Variants in DGLUCY observed in about 807,000 individuals in gnomAD.
DGLUCY encodes the protein D-glutamate cyclase.
Under a neutral mutation model 58.5 loss-of-function variants are expected in DGLUCY, and 58 were observed. That is an observed-to-expected ratio of 0.99 (90% CI 0.80 to 1.23). DGLUCY has a LOEUF of 1.23. DGLUCY is among the 50% of genes most tolerant of loss of function. The pLI is 0.00. For synonymous variants in DGLUCY, 325 were observed against 314.1 expected (o/e 1.03, Z -0.37); for missense variants, 779 against 784.7 (o/e 0.99, Z 0.09).
intron 1 of DGLUCY, among the ~76,000 whole-genome samples, chr14:91,121,109 C>T (rs919664417): frequency 4.6e-5 from 7 of 152,222 alleles, no homozygotes; most frequent in Admixed American, 2.0e-4. Context: ...TTCAGCCTTT[C>T]TCCTAGTGCT....
chr14:91,111,202 A>ATGTGTG (rs71120113), upstream of DGLUCY, among the ~76,000 whole-genome samples: 27 of 46,344 alleles, frequency 5.8e-4, 1 homozygote, highest in African/African-American at 1.3e-3. Flanking sequence ...ATTTATATAT[A>ATGTGTG]TGTGTGTGTG....
intron 1 of DGLUCY, among the ~76,000 whole-genome samples, chr14:91,091,866 G>T (rs79310291): frequency 2.0e-5 from 3 of 152,008 alleles, no homozygotes; most frequent in Non-Finnish European, 4.4e-5. Flanking sequence ...TTTGGGACAC[G>T]GCCTTCCTTC....
rs1281812130 is a variant in DGLUCY at position 91,176,032 on chromosome 14, A to T, written c.706A>T (p.Ser236Cys). 1 of 1,614,002 alleles carries T rather than the reference A, an allele frequency of 6.2e-7. No homozygotes were observed. Among genetic ancestry groups the T allele is most frequent in the East Asian group, 2.2e-5 (1 of 44,870 alleles). The change falls in exon 7 of 14, where the codon AGT becomes TGT. Residue 236 changes from serine (S) to cysteine (C), a missense_variant. Coordinates refer to ENST00000256324, the MANE Select transcript of DGLUCY (RefSeq NM_001102368.3). ...VPVFWPSPLTSLGAVSSCETP... is the reference protein window; with the variant it reads ...VPVFWPSPLTCLGAVSSCETP... ...AGTGTTCTGGCCTTCTCCGCTGACCAGTCTCGGAGCTGTCAGCAGCTGTGG... is the reference window on the plus strand; with the variant it reads ...AGTGTTCTGGCCTTCTCCGCTGACCTGTCTCGGAGCTGTCAGCAGCTGTGG...
chr14:91,175,823 A>G (rs1055758500), intron 6 of DGLUCY, 111 bp from the exon 7 acceptor site: 19 of 1,273,832 alleles, frequency 1.5e-5, no homozygotes, highest in African/African-American at 7.3e-5. Context: ...ACCATTTACA[A>G]TAATCCTGCA....
At chr14:91,143,384 C>T (rs977398777) in intron 1 of DGLUCY, among the ~76,000 whole-genome samples, 5 of 152,138 alleles carry the variant, frequency 3.3e-5, no homozygotes, top group African/African-American at 1.2e-4. Context: ...CATGAGCCAC[C>T]GCGCCTGGCA....
At chr14:91,214,230 C>T (rs1278175681) in intron 12 of DGLUCY, among the ~76,000 whole-genome samples, 1 of 152,074 alleles carries the variant, frequency 6.6e-6, no homozygotes, top group Admixed American at 6.6e-5. Context: ...CGTGGCTGGC[C>T]GTGTGCACAG....
intron 1 of DGLUCY, among the ~76,000 whole-genome samples, chr14:91,082,292 G>A (rs2044140894): frequency 6.6e-6 from 1 of 152,208 alleles, no homozygotes; most frequent in African/African-American, 2.4e-5. Context: ...CCATGAAAGA[G>A]GTACCTGACC....
intron 1 of DGLUCY, among the ~76,000 whole-genome samples, chr14:91,142,840 A>AACACACACACACACACACACACACACAC (rs558892923): frequency 8.0e-6 from 1 of 124,226 alleles, no homozygotes; most frequent in African/African-American, 3.0e-5. Context: ...ATCTCTACTA[A>AACACACACACACACACACACACACACAC]ACACACACAC....
At chr14:91,127,661 C>A (rs1003313081) in intron 1 of DGLUCY, among the ~76,000 whole-genome samples, 1 of 152,250 alleles carries the variant, frequency 6.6e-6, no homozygotes, top group East Asian at 1.9e-4. Flanking sequence ...TTTCTGTCCC[C>A]TCTCACACTG....
chr14:91,174,506 A>G (rs553976504), intron 6 of DGLUCY, among the ~76,000 whole-genome samples: 3 of 152,186 alleles, frequency 2.0e-5, no homozygotes, highest in Non-Finnish European at 4.4e-5. Flanking sequence ...GGGTTTTGCC[A>G]TGTTGGCCAG....
At chr14:91,215,126 G>A (rs60355126) in intron 12 of DGLUCY, among the ~76,000 whole-genome samples, 2,004 of 152,252 alleles carry the variant, frequency 0.013, 55 homozygotes, top group African/African-American at 0.047. Context: ...TCCAGCCTGG[G>A]CAACAGAGCA....
chr14:91,204,085 T>C (rs1359258694), intron 11 of DGLUCY, among the ~76,000 whole-genome samples: 2 of 152,256 alleles, frequency 1.3e-5, no homozygotes, highest in Admixed American at 1.3e-4. Flanking sequence ...AAATCATTTT[T>C]AATATGTATT....
rs750667196 is a variant in DGLUCY, at chr14:91,224,845, C to G, written c.*12C>G. 2.5e-6 allele frequency: 4 copies of G among 1,595,778 alleles called. No homozygotes were observed. The African/African-American group carries it at 5.4e-5, about 21-fold the overall frequency. On this transcript the variant is annotated 3_prime_UTR_variant, in exon 14 of 14. Coordinates refer to ENST00000256324, the MANE Select transcript of DGLUCY (RefSeq NM_001102368.3). ...CGGCACAGGTGTAACCGTCCATGTT[C>G]CGTGTGAGCAGAGTCCCTACCAACG...
intron 1 of DGLUCY, among the ~76,000 whole-genome samples, chr14:91,157,125 GGA>G (rs2047676743): frequency 2.0e-5 from 3 of 149,914 alleles, no homozygotes; most frequent in Admixed American, 6.7e-5. Context: ...ATGGGTGGAT[GGA>G]TGGATGGATG....
intron 1 of DGLUCY, among the ~76,000 whole-genome samples, chr14:91,102,580 A>G (rs1385145587): frequency 1.3e-5 from 2 of 152,058 alleles, no homozygotes; most frequent in Non-Finnish European, 2.9e-5. Context: ...GTCCACGGAG[A>G]GACTGTGGAA....
intron 11 of DGLUCY, among the ~76,000 whole-genome samples, chr14:91,203,336 C>T (rs1371647009): frequency 6.6e-6 from 1 of 152,164 alleles, no homozygotes; most frequent in Non-Finnish European, 1.5e-5. Flanking sequence ...AATTCACTCC[C>T]TGATGTTTGA....
intron 2 of DGLUCY, among the ~76,000 whole-genome samples, chr14:91,158,682 T>C (rs748764597): frequency 2.6e-5 from 4 of 152,170 alleles, no homozygotes; most frequent in Non-Finnish European, 5.9e-5. Flanking sequence ...AGTCAGCTAG[T>C]CATCCAACAA....
chr14:91,218,231 G>T (rs1461441675), intron 13 of DGLUCY, among the ~76,000 whole-genome samples: 1 of 152,068 alleles, frequency 6.6e-6, no homozygotes, highest in Non-Finnish European at 1.5e-5. Context: ...AAAAAAACAT[G>T]CAAGGGCTGC....
chr14:91,120,220 G>A (rs1331587343), intron 1 of DGLUCY, among the ~76,000 whole-genome samples: 1 of 152,066 alleles, frequency 6.6e-6, no homozygotes, highest in African/African-American at 2.4e-5. Flanking sequence ...CCGGGCAGGT[G>A]TCCTTCCTGA....
Sources: gnomAD v4.1 joint callset for allele counts (sites outside exome capture counted in the v4.1 genomes callset) on GRCh38, gnomAD v4.1.1 for gene constraint, MANE v1.5 for transcripts, NCBI Gene and HGNC (gene_info 2026-07-23, HGNC 2026-07-21) for gene names.